PPP1R12A: variants seen among roughly 807,000 people sequenced by gnomAD.
PPP1R12A encodes protein phosphatase 1 regulatory subunit 12A, also known as myosin binding subunit.
PPP1R12A carries 19 observed loss-of-function variants against 139.6 expected under a neutral mutation model. The observed-to-expected ratio is 0.14, with a 90% CI of 0.09 to 0.20. The LOEUF is 0.20. Among genes scored for constraint, PPP1R12A ranks in the 10% least tolerant of loss-of-function variants. PPP1R12A has a pLI of 1.00. For synonymous variants in PPP1R12A, 427 were observed against 420.6 expected, an observed-to-expected ratio of 1.02 and a Z score of -0.19; for missense variants, 925 against 1,211.5, an observed-to-expected ratio of 0.76 and a Z score of 3.51.
At chr12:79,805,896 CT>C in intron 13 of PPP1R12A, 128 bp from the exon 14 acceptor site, 1 of 1,086,214 alleles carries the variant, frequency 9.2e-7, no homozygotes, top group East Asian at 2.6e-5. Flanking sequence ...GTGAGACATC[CT>C]TAAATTATGA....
intron 1 of PPP1R12A, among the ~76,000 whole-genome samples, chr12:79,881,681 A>G (rs963586460): frequency 6.6e-6 from 1 of 152,220 alleles, no homozygotes; most frequent in Non-Finnish European, 1.5e-5. Context: ...ACAACTAAAC[A>G]ATAGCGTTTC....
intron 4 of PPP1R12A, among the ~76,000 whole-genome samples, chr12:79,829,921 AG>A (rs1367285395): frequency 6.6e-6 from 1 of 152,180 alleles, no homozygotes; most frequent in African/African-American, 2.4e-5. Context: ...TCTCAAGCAT[AG>A]GTTCTATGAA....
At chr12:79,924,575 C>T (rs548996971) in intron 1 of PPP1R12A, among the ~76,000 whole-genome samples, 2 of 151,876 alleles carry the variant, frequency 1.3e-5, no homozygotes, top group Admixed American at 1.3e-4. Flanking sequence ...ACCACAGATG[C>T]GTGTCGCCAT....
chr12:79,930,592 G>T (rs555026054), intron 1 of PPP1R12A, among the ~76,000 whole-genome samples: 1 of 152,216 alleles, frequency 6.6e-6, no homozygotes, highest in South Asian at 2.1e-4. Flanking sequence ...GATCAACATA[G>T]AGAAACCGCA....
intron 1 of PPP1R12A, among the ~76,000 whole-genome samples, chr12:79,903,511 C>T (rs967775516): frequency 6.6e-6 from 1 of 151,620 alleles, no homozygotes; most frequent in Non-Finnish European, 1.5e-5. Context: ...ACACATGAAG[C>T]GTAAATTAAT....
chr12:79,775,390 T>C lies in PPP1R12A; in HGVS notation c.*539A>G, dbSNP rs1357237795. On this transcript the variant is annotated 3_prime_UTR_variant, in exon 25 of 25. Coordinates refer to ENST00000450142, the MANE Select transcript of PPP1R12A (RefSeq NM_002480.3). ...GTGTTCTTTTCTGTAATGAAAAAGC[T>C]GTGAAAACATAGAAGACTCTGCCAC... The C allele has an allele frequency of 6.6e-6, 1 of 152,398 alleles. No individual in the cohort carries two copies. The highest frequency in any genetic ancestry group is 2.4e-5 in the African/African-American group (1 of 41,412). 9.4% of individuals were successfully genotyped at this position (152,398 alleles called of 1,614,324 possible).
chr12:79,817,270 T>A, intron 9 of PPP1R12A, 124 bp downstream of exon 9: 3 of 887,502 alleles, frequency 3.4e-6, no homozygotes, highest in Non-Finnish European at 4.9e-6. Context: ...AATACATATT[T>A]ATATTCTGAA....
chr12:79,808,391 C>A (rs1874119045), intron 11 of PPP1R12A, 92 bp downstream of exon 11: 2 of 867,870 alleles, frequency 2.3e-6, no homozygotes, highest in Middle Eastern at 2.5e-4. Context: ...CAATACATAT[C>A]CGCACATAAT....
At chr12:79,861,647 C>G (rs1182669089) in intron 2 of PPP1R12A, among the ~76,000 whole-genome samples, 1 of 152,176 alleles carries the variant, frequency 6.6e-6, no homozygotes, top group Non-Finnish European at 1.5e-5. Flanking sequence ...AACCAGCAGA[C>G]CAAAAGATCC....
chr12:79,814,837 A>AAAAAAAAAAAAAT (rs1255673726), intron 9 of PPP1R12A, among the ~76,000 whole-genome samples: 1 of 151,042 alleles, frequency 6.6e-6, no homozygotes, highest in Non-Finnish European at 1.5e-5. Context: ...AAAAAAAAAA[A>AAAAAAAAAAAAAT]AAAATTCAAA....
At chr12:79,884,806 GGCAGCTTT>G (rs1266027976) in intron 1 of PPP1R12A, among the ~76,000 whole-genome samples, 19 of 152,202 alleles carry the variant, frequency 1.2e-4, no homozygotes, top group African/African-American at 4.6e-4. Flanking sequence ...TCCACGTACA[GGCAGCTTT>G]GTCAACTTGA....
intron 1 of PPP1R12A, among the ~76,000 whole-genome samples, chr12:79,910,352 C>T (rs149903520): frequency 3.9e-5 from 6 of 151,928 alleles, no homozygotes; most frequent in African/African-American, 1.2e-4. Flanking sequence ...TGGTGCTAGG[C>T]GCTTGTAATC....
chr12:79,792,886 C>T (rs1271532351), intron 19 of PPP1R12A, among the ~76,000 whole-genome samples: 3 of 152,066 alleles, frequency 2.0e-5, no homozygotes, highest in African/African-American at 7.2e-5. Context: ...ATAATTTAAC[C>T]TCAGAACCAA....
chr12:79,893,240 C>G (rs562845032), intron 1 of PPP1R12A, among the ~76,000 whole-genome samples: 1 of 152,222 alleles, frequency 6.6e-6, no homozygotes, highest in African/African-American at 2.4e-5. Flanking sequence ...GTCTTTTACA[C>G]CTTAAGCCTT....
chr12:79,910,653 C>T (rs940883833), intron 1 of PPP1R12A, among the ~76,000 whole-genome samples: 1 of 151,862 alleles, frequency 6.6e-6, no homozygotes, highest in Non-Finnish European at 1.5e-5. Flanking sequence ...ATGCATTATT[C>T]GAACATGCAT....
chr12:79,793,811 T>C, intron 19 of PPP1R12A, 52 bp downstream of exon 19: 1 of 1,374,416 alleles, frequency 7.3e-7, no homozygotes, highest in Non-Finnish European at 1.0e-6. Flanking sequence ...AATTTAAAAG[T>C]AATTATTAAA....
Position 79,800,773 on chromosome 12 carries a change from G to GC in PPP1R12A, c.2001-2190dup, listed in dbSNP as rs1442335422. On this transcript the variant is annotated intron_variant, in intron 14 of 24. Transcript: ENST00000450142. ...TTTTGAAACGGAGTCTCGCTCTGTC[G>GC]CCCAGGCTAGAGTGCAGTGGCGCGA... Among the ~76,000 whole-genome samples the GC allele has an allele frequency of 2.1e-5, 3 of 142,770 alleles. No individual in the cohort carries two copies. In the Admixed American group the frequency reaches 2.2e-4, roughly 10 times the overall value. The allele number at this position is 142,770 out of a possible 152,430, so 93.7% of individuals were successfully genotyped here. A position where few individuals can be genotyped will look rare whatever the true frequency, so the allele number is the denominator to read the frequency against.
At chr12:79,804,463 T>C (rs897273853) in intron 14 of PPP1R12A, among the ~76,000 whole-genome samples, 1 of 152,068 alleles carries the variant, frequency 6.6e-6, no homozygotes, top group East Asian at 1.9e-4. Context: ...AAACTAAAGA[T>C]GCAATGATAG....
chr12:79,802,085 C>G (rs1431621100), intron 14 of PPP1R12A, among the ~76,000 whole-genome samples: 3 of 151,994 alleles, frequency 2.0e-5, no homozygotes, highest in Non-Finnish European at 2.9e-5. Flanking sequence ...AACATTAATT[C>G]TGGGATATAA....
Sources: allele counts gnomAD v4.1 joint callset (sites outside exome capture counted in the v4.1 genomes callset), GRCh38; gene constraint gnomAD v4.1.1; transcripts MANE v1.5; gene names NCBI Gene and HGNC (gene_info 2026-07-23, HGNC 2026-07-21).